The following RPUSD4 variants were observed in gnomAD, a reference collection of about 807,000 sequenced individuals.
RPUSD4 encodes the protein RNA pseudouridine synthase D4.
Under a neutral mutation model 35.4 loss-of-function variants are expected in RPUSD4, and 37 were observed. That is an observed-to-expected ratio of 1.04 (90% CI 0.80 to 1.37). The LOEUF (loss-of-function observed/expected upper bound fraction) is 1.37. RPUSD4 is among the 40% of genes most tolerant of loss of function. The pLI is 0.00. For missense variants in RPUSD4, 507 were observed against 484.9 expected (o/e 1.05, Z -0.43); for synonymous variants, 210 against 192.7 (o/e 1.09, Z -0.74).
rs1169300404 is a variant in RPUSD4 at position 126,205,629 on chromosome 11, C to A, written c.652-17G>T. 1 of 1,614,000 alleles carries A rather than the reference C, an allele frequency of 6.2e-7. No individual in the cohort carries two copies. Among genetic ancestry groups the A allele is most frequent in the South Asian group, 1.1e-5 (1 of 91,084 alleles). On this transcript the variant is annotated splice_polypyrimidine_tract_variant and intron_variant, in intron 4 of 6. Coordinates refer to ENST00000298317, the MANE Select transcript of RPUSD4 (RefSeq NM_032795.3). ...CAATGTCATCTGAAGCCAAAGAAAT[C>A]AAGATATGATTCCCAAGGAAGAGCA...
intron 2 of RPUSD4, among the ~76,000 whole-genome samples, chr11:126,210,529 ACACACACACACACACACACACC>A (rs1002421004): frequency 2.7e-5 from 4 of 150,914 alleles, no homozygotes; most frequent in African/African-American, 9.7e-5. Flanking sequence ...ATACACACAC[ACACACACACACACACACACACC>A]CCCTTTTTTC....
At chr11:126,206,909 A>T (rs1265754465) in intron 3 of RPUSD4, among the ~76,000 whole-genome samples, 3 of 152,190 alleles carry the variant, frequency 2.0e-5, no homozygotes, top group Non-Finnish European at 4.4e-5. Context: ...ATGATATGAC[A>T]CTACAACTCA....
chr11:126,209,296 T>C (rs776332103), intron 3 of RPUSD4: 1 of 506,940 alleles, frequency 2.0e-6, no homozygotes, highest in Non-Finnish European at 3.5e-6. Flanking sequence ...CACCCCATGC[T>C]TGTATAATTA....
In RPUSD4 at chr11:126,205,519, C is replaced by G. The variant is rs774071594; in HGVS notation, c.745G>C (p.Val249Leu). ...GCGGAGGAGAGAGTGCTGCTGAGCA[C>G]CTGGTACTGAGTTACAGCAACTTGC... ...NAQVAVTQYQ[V>L]LSSTLSSALV... Residue 249 changes from valine (V) to leucine (L), a missense_variant, in exon 5 of 7, where the codon GTG becomes CTG. Coordinates refer to ENST00000298317, the MANE Select transcript of RPUSD4 (RefSeq NM_032795.3). 2 of 1,614,272 alleles carry G rather than the reference C, an allele frequency of 1.2e-6. No individual in the cohort carries two copies. The highest frequency in any genetic ancestry group is 1.1e-5 in the South Asian group (1 of 91,086).
At chr11:126,203,803 T>C in intron 6 of RPUSD4, 146 bp from the exon 7 acceptor site, 2 of 1,073,368 alleles carry the variant, frequency 1.9e-6, no homozygotes, top group Non-Finnish European at 2.6e-6. Context: ...CAGTGGCATG[T>C]CTAAGAACGG....
chr11:126,203,047 C>T lies in RPUSD4; in HGVS notation c.*371G>A, dbSNP rs1410297719. 3 of 214,848 alleles carry T rather than the reference C, an allele frequency of 1.4e-5. No homozygotes were observed. Among genetic ancestry groups the T allele is most frequent in the Non-Finnish European group, 2.9e-5 (3 of 105,250 alleles). The allele number at this position is 214,848 out of a possible 1,614,324, so 13.3% of individuals were successfully genotyped here. A position where few individuals can be genotyped will look rare whatever the true frequency, so the allele number is the denominator to read the frequency against. On this transcript the variant is annotated 3_prime_UTR_variant, in exon 7 of 7. Coordinates refer to ENST00000298317, the MANE Select transcript of RPUSD4 (RefSeq NM_032795.3). ...TCCTAAGAGCTCAAGAGCTTCACTG[C>T]TGGATAAAAACAGTTCCTGATCCCG...
At chr11:126,208,356 T>C (rs1309722311) in intron 3 of RPUSD4, among the ~76,000 whole-genome samples, 1 of 152,150 alleles carries the variant, frequency 6.6e-6, no homozygotes, top group Non-Finnish European at 1.5e-5. Context: ...CTCTAAGATA[T>C]ATGATCCAAG....
rs774599935 is a variant in RPUSD4, at chr11:126,203,491, T to C, written c.1061A>G (p.His354Arg). The C allele has an allele frequency of 3.1e-6, 5 of 1,614,184 alleles. No individual in the cohort carries two copies. The highest frequency in any genetic ancestry group is 4.2e-6 in the Non-Finnish European group (5 of 1,180,050). Residue 354 changes from histidine (H) to arginine (R), a missense_variant, in exon 7 of 7, where the codon CAC becomes CGC. His to Arg is a conservative substitution (Grantham distance 29). Transcript: ENST00000298317. ...ATTTGGCATCTCTAAACGCAGGCGG[T>C]GCAGGGAATGCACAAAGAAGCGAGG... is the stretch of plus-strand genomic sequence containing the variant. ...KLPRFFVHSL[H>R]RLRLEMPNED...
chr11:126,203,631 C>G lies in RPUSD4; in HGVS notation c.921G>C (p.Lys307Asn). 1.9e-6 allele frequency: 3 copies of G among 1,613,450 alleles called. No homozygotes were observed. The highest frequency in any genetic ancestry group is 2.5e-6 in the Non-Finnish European group (3 of 1,179,472). Residue 307 changes from lysine (K) to asparagine (N), a missense_variant, in exon 7 of 7, where the codon AAG becomes AAC. Coordinates refer to ENST00000298317, the MANE Select transcript of RPUSD4 (RefSeq NM_032795.3). ...PQKLSVGTLK[K>N]LGLEQSKARY... ...GGGCCTTCGACTGTTCTAGCCCCAG[C>G]TTCTTCAGGGTGCCCACAGACAGCT...
In RPUSD4 at chr11:126,203,549, C is replaced by T. The variant is rs574246114; in HGVS notation, c.1003G>A (p.Gly335Arg). 6.2e-6 allele frequency: 10 copies of T among 1,614,162 alleles called. No individual in the cohort carries two copies. The highest frequency in any genetic ancestry group is 4.0e-5 in the African/African-American group (3 of 75,034). The stretch of plus-strand genomic sequence containing the variant: ...CAGACCAAGTTGAGTTCCTCCTTCC[C>T]GGACCCCAGGGCAGGCAGGATCAGC... ...RQLILPALGS[G>R]KEELNLVCKL... The change falls in exon 7 of 7, where the codon GGG becomes AGG. Residue 335 changes from glycine to arginine, a missense_variant. By Grantham distance (125) the Gly-to-Arg change is moderately radical. Transcript: ENST00000298317.
At position 126,203,674 on chromosome 11, in the gene RPUSD4, C is replaced by T; in HGVS notation, c.895-17G>A. 2 of 1,604,016 alleles carry T rather than the reference C, an allele frequency of 1.2e-6. No individual in the cohort carries two copies. The highest frequency in any genetic ancestry group is 1.7e-6 in the Non-Finnish European group (2 of 1,173,036). ...AGACAGCTTCTATACAAAGAAAGGA[C>T]AGACCCTTGAGAGCAAGGCCAACAG... On this transcript the variant is annotated splice_polypyrimidine_tract_variant and intron_variant, in intron 6 of 6. Transcript: ENST00000298317.
intron 3 of RPUSD4, chr11:126,206,043 T>C (rs1026034264): frequency 2.9e-5 from 10 of 340,614 alleles, no homozygotes; most frequent in Non-Finnish European, 4.8e-5. Flanking sequence ...ATTAATAACA[T>C]GGTCTTTCCA....
rs919784797 is a variant in RPUSD4 at position 126,210,093 on chromosome 11, C to G, written c.356-371G>C. Among the ~76,000 whole-genome samples, 12 of 152,208 alleles carry G rather than the reference C, an allele frequency of 7.9e-5. 1 individual carries two copies. The highest frequency in any genetic ancestry group is 2.9e-4 in the African/African-American group (12 of 41,438). On this transcript the variant is annotated intron_variant, in intron 2 of 6. Coordinates refer to ENST00000298317, the MANE Select transcript of RPUSD4 (RefSeq NM_032795.3). ...TAGGAGGATAGACTTCGGGGTTAGA[C>G]ATTCCTGGGGTTCTACTCTACTCTT... is the stretch of plus-strand genomic sequence containing the variant.
chr11:126,203,475 C>A lies in RPUSD4; in HGVS notation c.1077G>T (p.Glu359Asp), dbSNP rs2135094472. 1 of 1,614,182 alleles carries A rather than the reference C, an allele frequency of 6.2e-7. No homozygotes were observed. The highest frequency in any genetic ancestry group is 2.2e-5 in the East Asian group (1 of 44,886). Residue 359 changes from glutamate to aspartate, a missense_variant, in exon 7 of 7, where the codon GAG becomes GAT. By Grantham distance (45) the Glu-to-Asp change is conservative (BLOSUM62 2). Coordinates refer to ENST00000298317, the MANE Select transcript of RPUSD4 (RefSeq NM_032795.3). Reference protein sequence around the residue: ...FVHSLHRLRLEMPNEDQNENN... With the variant: ...FVHSLHRLRLDMPNEDQNENN... ...TCTCATTTTGATCCTCATTTGGCAT[C>A]TCTAAACGCAGGCGGTGCAGGGAAT...
intron 5 of RPUSD4, among the ~76,000 whole-genome samples, chr11:126,204,579 C>A (rs980950309): frequency 6.6e-6 from 1 of 152,174 alleles, no homozygotes; most frequent in Non-Finnish European, 1.5e-5. Flanking sequence ...CATAGATAAC[C>A]ATTATCATGA....
intron 5 of RPUSD4, among the ~76,000 whole-genome samples, chr11:126,204,639 T>C (rs767646196): frequency 1.8e-4 from 27 of 152,218 alleles, no homozygotes; most frequent in Admixed American, 4.6e-4. Context: ...ACTACATAAG[T>C]AGTATTGATT....
intron 5 of RPUSD4, 82 bp from the exon 6 acceptor site, chr11:126,204,410 C>A (rs931268852): frequency 8.1e-6 from 8 of 989,662 alleles, no homozygotes; most frequent in African/African-American, 3.2e-5. Flanking sequence ...TGCTTCAAAT[C>A]GTGTTACATC....
intron 3 of RPUSD4, among the ~76,000 whole-genome samples, chr11:126,207,644 G>A (rs1452156708): frequency 6.6e-6 from 1 of 152,216 alleles, no homozygotes; most frequent in Non-Finnish European, 1.5e-5. Flanking sequence ...TAGGTCAGGG[G>A]TTCAAGACCA....
intron 6 of RPUSD4, 66 bp downstream of exon 6, chr11:126,204,165 T>C (rs1949743257): frequency 1.8e-6 from 2 of 1,099,160 alleles, no homozygotes; most frequent in South Asian, 2.6e-5. Context: ...CATTTCAGAG[T>C]TTTAAGAAAA....
Sources: allele counts gnomAD v4.1 joint callset (sites outside exome capture counted in the v4.1 genomes callset), GRCh38; gene constraint gnomAD v4.1.1; transcripts MANE v1.5; gene names NCBI Gene and HGNC (gene_info 2026-07-23, HGNC 2026-07-21).